The following STK3 variants were observed in gnomAD, a reference collection of about 807,000 sequenced individuals.
STK3 encodes the protein serine/threonine-protein kinase 3.
A neutral mutation model predicts 58.0 loss-of-function variants in STK3; 41 were observed. The ratio of observed to expected loss-of-function variants is 0.71; its 90% CI spans 0.55 to 0.92. The LOEUF is 0.92. STK3 is among the 40% of genes least tolerant of loss of function. The probability of loss-of-function intolerance (pLI) is 0.00; values close to 1 mark genes in which losing one functional copy is unlikely to be tolerated. For missense variants in STK3, 479 were observed against 602.7 expected (o/e 0.79, Z 2.15); for synonymous variants, 170 against 191.0 (o/e 0.89, Z 0.91).
downstream of STK3, chr8:98,879,955 C>T (rs1478412919): frequency 6.6e-6 from 1 of 152,066 alleles, no homozygotes; most frequent in Non-Finnish European, 1.5e-5. Context: ...ACATCATTTC[C>T]ATAGTCAAAA....
In STK3 at chr8:98,738,872, C is replaced by T. The variant is rs184938411; in HGVS notation, c.351+10404G>A. ...GGGTGACAGAGGGCACCTGGAAAAT[C>T]GGGTCACTCCCACCCGAATACTGCG... On this transcript the variant is annotated intron_variant, in intron 4 of 10. Transcript: ENST00000419617. Among the ~76,000 whole-genome samples the T allele has an allele frequency of 4.9e-3, 743 of 152,336 alleles. 9 individuals are homozygous for T. The highest frequency in any genetic ancestry group is 0.037 in the East Asian group (191 of 5,182).
chr8:98,724,228 A>G (rs755503642), intron 4 of STK3, among the ~76,000 whole-genome samples: 134 of 152,098 alleles, frequency 8.8e-4, no homozygotes, highest in Non-Finnish European at 2.6e-4. Flanking sequence ...TAAAATCCAA[A>G]CCATCTAATA....
At chr8:98,452,552 G>A (rs1188762312), downstream of STK3, among the ~76,000 whole-genome samples, 2 of 152,144 alleles carry the variant, frequency 1.3e-5, no homozygotes, top group Non-Finnish European at 1.5e-5. Context: ...TTTTCAGCAA[G>A]ATGAAACCCT....
chr8:98,543,914 A>C (rs1191665092), intron 9 of STK3, among the ~76,000 whole-genome samples: 2 of 152,210 alleles, frequency 1.3e-5, no homozygotes, highest in African/African-American at 4.8e-5. Context: ...AGACTGGACC[A>C]TATCAAAGTT....
chr8:98,846,422 T>G (rs1343635778), intron 3 of STK3, among the ~76,000 whole-genome samples: 1 of 152,226 alleles, frequency 6.6e-6, no homozygotes, highest in African/African-American at 2.4e-5. Context: ...AGTTCTGATT[T>G]TATTCATTTA....
At chr8:98,402,821 C>T (rs534553688) in intron 3 of STK3, among the ~76,000 whole-genome samples, 99 of 152,258 alleles carry the variant, frequency 6.5e-4, no homozygotes, top group Non-Finnish European at 1.1e-3. Flanking sequence ...CTCTGTCAAC[C>T]TTTACTGATG....
At chr8:98,363,138 G>A in the STK3 span, among the ~76,000 whole-genome samples, 3 of 152,282 alleles carry the variant, frequency 2.0e-5, no homozygotes, top group East Asian at 5.8e-4. Flanking sequence ...AAATGGAGCA[G>A]GGTCTTTGAA....
chr8:98,905,515 G>A, intron 1 of STK3: 3 of 1,119,322 alleles, frequency 2.7e-6, no homozygotes, highest in Middle Eastern at 2.0e-4. Flanking sequence ...TGCAAGTTGT[G>A]TATGGTATCC....
chr8:98,905,317 T>C, intron 1 of STK3: 3 of 867,896 alleles, frequency 3.5e-6, no homozygotes, highest in Non-Finnish European at 6.0e-6. Context: ...TCCATGTGTA[T>C]GAAGTGTATG....
At chr8:98,401,233 C>A (rs1817941108), downstream of STK3, among the ~76,000 whole-genome samples, 1 of 152,136 alleles carries the variant, frequency 6.6e-6, no homozygotes, top group African/African-American at 2.4e-5. Context: ...GCTCCAGCTG[C>A]CTGAGGCTTT....
chr8:98,745,814 C>T lies in STK3; in HGVS notation c.351+3462G>A, dbSNP rs1406724231. 2.6e-5 allele frequency among the ~76,000 whole-genome samples: 4 copies of T among 152,166 alleles called. No homozygotes were observed. The East Asian group carries it at 5.8e-4, about 22-fold the overall frequency. On this transcript the variant is annotated intron_variant, in intron 4 of 10. Coordinates refer to ENST00000419617, the MANE Select transcript of STK3 (RefSeq NM_006281.4). ...CCCTCAAAAGTACAGTCATGTGTCACCTGACAACATGGATACATTCTGAAA... is the reference window on the plus strand; with the variant it reads ...CCCTCAAAAGTACAGTCATGTGTCATCTGACAACATGGATACATTCTGAAA...
chr8:98,820,917 G>A (rs759131997), intron 1 of STK3, among the ~76,000 whole-genome samples: 1 of 152,200 alleles, frequency 6.6e-6, no homozygotes, highest in African/African-American at 2.4e-5. Context: ...GGCGGAGCTC[G>A]CAGTGAGCCG....
rs760017613 is a variant in STK3 at position 98,596,043 on chromosome 8, G to T, written c.811C>A (p.Gln271Lys). 1 of 1,613,080 alleles carries T rather than the reference G, an allele frequency of 6.2e-7. No homozygotes were observed. Among genetic ancestry groups the T allele is most frequent in the South Asian group, 1.1e-5 (1 of 90,888 alleles). ...KNPEQRATAT[Q>K]LLQHPFIKNA... ...GCACAAGCACTGACCTGTAAAAGTT[G>T]TGTTGCAGTAGCTCTCTGCTCAGGA... The change falls in exon 7 of 11, where the codon CAA (glutamine) becomes AAA (lysine). Residue 271 changes from glutamine to lysine, a missense_variant. Gln to Lys is a moderately conservative substitution (Grantham distance 53). Coordinates refer to ENST00000419617, the MANE Select transcript of STK3 (RefSeq NM_006281.4).
At chr8:98,515,757 T>TA (rs999205620) in intron 10 of STK3, among the ~76,000 whole-genome samples, 3 of 151,978 alleles carry the variant, frequency 2.0e-5, no homozygotes, top group African/African-American at 4.8e-5. Flanking sequence ...TTTTTTTTTT[T>TA]ATTCTTGCAG....
At chr8:98,920,656 A>G (rs1212829960) in intron 1 of STK3, among the ~76,000 whole-genome samples, 7 of 152,188 alleles carry the variant, frequency 4.6e-5, no homozygotes, top group African/African-American at 1.7e-4. Flanking sequence ...AGTTTGTTCA[A>G]ATGTTACCCA....
At chr8:98,752,566 A>G (rs900825916) in intron 3 of STK3, among the ~76,000 whole-genome samples, 6 of 152,160 alleles carry the variant, frequency 3.9e-5, no homozygotes, top group Non-Finnish European at 5.9e-5. Flanking sequence ...AAGACACCCA[A>G]AGCAATCACA....
chr8:98,380,963 C>CTTTTTTTTTTTTTTTTTTTTTTTTTTTTT, intron 1 of STK3, among the ~76,000 whole-genome samples: 1 of 44,096 alleles, frequency 2.3e-5, no homozygotes, highest in Non-Finnish European at 4.0e-5. Context: ...TCTCTCTCTC[C>CTTTTTTTTTTTTTTTTTTTTTTTTTTTTT]TTTTTTTTTT....
At chr8:98,707,414 GTT>G (rs947074921) in intron 4 of STK3, 103 bp from the exon 5 acceptor site, 14 of 816,978 alleles carry the variant, frequency 1.7e-5, no homozygotes, top group African/African-American at 1.6e-4. Context: ...GTGTGTGTGT[GTT>G]TTTTTTTAAG....
At chr8:98,666,468 T>C (rs947890258) in intron 6 of STK3, among the ~76,000 whole-genome samples, 5 of 152,204 alleles carry the variant, frequency 3.3e-5, no homozygotes, top group Admixed American at 1.3e-4. Context: ...ATGTTAAGTG[T>C]AGAGATTTAG....
Sources: gnomAD v4.1 joint callset for allele counts (sites outside exome capture counted in the v4.1 genomes callset) on GRCh38, gnomAD v4.1.1 for gene constraint, MANE v1.5 for transcripts, NCBI Gene and HGNC (gene_info 2026-07-23, HGNC 2026-07-21) for gene names.